MLYCD: variants seen among roughly 807,000 people sequenced by gnomAD.
MLYCD encodes malonyl-CoA decarboxylase, mitochondrial.
In MLYCD, 27 loss-of-function variants were observed where a neutral mutation model predicts 35.8. That is an observed-to-expected ratio of 0.75 (90% CI 0.56 to 1.04). The LOEUF (loss-of-function observed/expected upper bound fraction) is 1.04. Ranked by LOEUF, MLYCD falls within the 50% of genes least tolerant of loss-of-function variation. The probability of loss-of-function intolerance (pLI) is 0.00; values close to 1 mark genes in which losing one functional copy is unlikely to be tolerated. For synonymous variants in MLYCD, 403 were observed against 302.4 expected (o/e 1.33, Z -3.45); for missense variants, 917 against 665.1 (o/e 1.38, Z -4.17).
rs929353282 is a variant in MLYCD at position 83,899,572 on chromosome 16, A to G, written c.428A>G (p.His143Arg). The G allele has an allele frequency of 2.5e-6, 4 of 1,593,330 alleles. No homozygotes were observed. The highest frequency in any genetic ancestry group is 2.2e-5 in the South Asian group (2 of 90,498). Reference protein sequence around the residue: ...LVPRYRGLFHHISKLDGGVRF... With the variant: ...LVPRYRGLFHRISKLDGGVRF... The stretch of plus-strand genomic sequence containing the variant: ...CCGCGCTATCGCGGCCTCTTCCACC[A>G]CATCAGCAAGCTGGACGGCGGCGTG... Residue 143 changes from histidine to arginine, a missense_variant, in exon 1 of 5, where the codon CAC becomes CGC. His to Arg is a conservative substitution (Grantham distance 29). Transcript: ENST00000262430.
chr16:83,905,192 C>A (rs537396845), intron 1 of MLYCD, among the ~76,000 whole-genome samples: 22 of 151,462 alleles, frequency 1.5e-4, no homozygotes, highest in African/African-American at 5.3e-4. Context: ...CACTGCACTC[C>A]AGCCTGGGTG....
chr16:83,917,130 G>C lies in MLYCD; in HGVS notation c.*1641G>C, dbSNP rs1907439848. 1.1e-5 allele frequency: 1 copy of C among 88,206 alleles called. No homozygotes were observed. Among genetic ancestry groups the C allele is most frequent in the South Asian group, 5.2e-4 (1 of 1,928 alleles). 5.5% of individuals were successfully genotyped at this position (88,206 alleles called of 1,614,324 possible). On this transcript the variant is annotated 3_prime_UTR_variant, in exon 5 of 5. Transcript: ENST00000262430. ...TGCACGTCTGTGTGCGTGTGCACGAGCGTTCTATGTGGATCAGTGCACGCC... is the reference window on the plus strand; with the variant it reads ...TGCACGTCTGTGTGCGTGTGCACGACCGTTCTATGTGGATCAGTGCACGCC...
intron 3 of MLYCD, among the ~76,000 whole-genome samples, chr16:83,908,546 C>G (rs926229864): frequency 6.6e-6 from 1 of 152,142 alleles, no homozygotes; most frequent in African/African-American, 2.4e-5. Context: ...AAGTCTATCA[C>G]AGAACATGTT....
Position 83,899,292 on chromosome 16 carries a change from C to G in MLYCD, c.148C>G (p.Pro50Ala), listed in dbSNP as rs1253610241. Residue 50 changes from proline (P) to alanine (A), a missense_variant, in exon 1 of 5, where the codon CCG (proline) becomes GCG (alanine). By Grantham distance (27) the Pro-to-Ala change is conservative. Transcript: ENST00000262430. ...MDELLRRAVPPTPAYELREKT... is the reference protein window; with the variant it reads ...MDELLRRAVPATPAYELREKT... ...CGAGCTGCTGCGCCGCGCGGTGCCG[C>G]CGACGCCGGCCTACGAGCTGCGCGA... The G allele has an allele frequency of 1.4e-6, 2 of 1,479,954 alleles. No individual in the cohort carries two copies. The highest frequency in any genetic ancestry group is 4.5e-5 in the Admixed American group (2 of 44,376). 91.7% of individuals were successfully genotyped at this position (1,479,954 alleles called of 1,614,324 possible).
chr16:83,924,720 T>C lies in MLYCD; in HGVS notation c.*9231T>C, dbSNP rs1597301640. On this transcript the variant is annotated 3_prime_UTR_variant, in exon 5 of 5. Coordinates refer to ENST00000262430, the MANE Select transcript of MLYCD (RefSeq NM_012213.3). The stretch of plus-strand genomic sequence containing the variant: ...CGCTGCTCCAGAGAGAACTGGCCAT[T>C]TGCAGTCTCCACCCCAGTGTGGCTC... 6.6e-6 allele frequency: 1 copy of C among 152,128 alleles called. No homozygotes were observed. The highest frequency in any genetic ancestry group is 1.9e-4 in the East Asian group (1 of 5,178). The allele number at this position is 152,128 out of a possible 1,614,324, so 9.4% of individuals were successfully genotyped here. A position where few individuals can be genotyped will look rare whatever the true frequency, so the allele number is the denominator to read the frequency against.
chr16:83,907,016 C>T lies in MLYCD; in HGVS notation c.558C>T (p.Leu186=). 6.2e-7 allele frequency: 1 copy of T among 1,614,124 alleles called. No individual in the cohort carries two copies. The highest frequency in any genetic ancestry group is 2.2e-5 in the East Asian group (1 of 44,872). The change falls in exon 2 of 5, where the codon CTC becomes CTT. Residue 186 remains leucine (L), a synonymous_variant. Transcript: ENST00000262430. ...TGAATGGGGTGCTGAAAGGAATGCT[C>T]TCAGAATGGTTTTCCTCCGGGTTCC... ...REMNGVLKGM[L]SEWFSSGFLN...
At position 83,899,178 on chromosome 16, in the gene MLYCD, C is replaced by G; in HGVS notation, c.34C>G (p.Arg12Gly). 8.6e-7 allele frequency: 1 copy of G among 1,167,676 alleles called. No homozygotes were observed. Among genetic ancestry groups the G allele is most frequent in the Middle Eastern group, 3.6e-4 (1 of 2,800 alleles). The allele number at this position is 1,167,676 out of a possible 1,614,324, so 72.3% of individuals were successfully genotyped here. ...CTTCGGGCCAGGCTTGACGGCCAGG[C>G]GTCTCCTCCCGCTGCGGTTGCCCCC... ...RGFGPGLTARRLLPLRLPPRP... is the reference protein window; with the variant it reads ...RGFGPGLTARGLLPLRLPPRP... Residue 12 changes from arginine (R) to glycine (G), a missense_variant, in exon 1 of 5, where the codon CGT becomes GGT. Transcript: ENST00000262430.
rs1361946366 is a variant in MLYCD, at chr16:83,917,415, CTGTG to C, written c.*1929_*1932del. The C allele has an allele frequency of 6.5e-6, 1 of 154,672 alleles. No homozygotes were observed. The highest frequency in any genetic ancestry group is 1.5e-5 in the Non-Finnish European group (1 of 68,310). The allele number at this position is 154,672 out of a possible 1,614,324, so 9.6% of individuals were successfully genotyped here. A position where few individuals can be genotyped will look rare whatever the true frequency, so the allele number is the denominator to read the frequency against. On this transcript the variant is annotated 3_prime_UTR_variant, in exon 5 of 5. Transcript: ENST00000262430. ...CATGTGCTTACACGTCTTTGTGTGTCTGTGTGCGTGTGTCCGCAGTTGCCCTGTC... is the reference window on the plus strand; with the variant it reads ...CATGTGCTTACACGTCTTTGTGTGTCTGCGTGTGTCCGCAGTTGCCCTGTC...
Position 83,916,572 on chromosome 16 carries a change from C to T in MLYCD, c.*1083C>T, listed in dbSNP as rs1421971942. 7.6e-6 allele frequency: 1 copy of T among 131,650 alleles called. No homozygotes were observed. The allele number at this position is 131,650 out of a possible 1,614,324, so 8.2% of individuals were successfully genotyped here. On this transcript the variant is annotated 3_prime_UTR_variant, in exon 5 of 5. Coordinates refer to ENST00000262430, the MANE Select transcript of MLYCD (RefSeq NM_012213.3). ...TCTGTGTGCATGTGCCCGAGCGTCTCTGTGTGGATCAGTGCACGTCTGTGT... is the reference window on the plus strand; with the variant it reads ...TCTGTGTGCATGTGCCCGAGCGTCTTTGTGTGGATCAGTGCACGTCTGTGT...
In MLYCD at chr16:83,918,002, A is replaced by G. The variant is rs1004014942; in HGVS notation, c.*2513A>G. 7 of 152,168 alleles carry G rather than the reference A, an allele frequency of 4.6e-5. No individual in the cohort carries two copies. The highest frequency in any genetic ancestry group is 1.7e-4 in the African/African-American group (7 of 41,430). The allele number at this position is 152,168 out of a possible 1,614,324, so 9.4% of individuals were successfully genotyped here. On this transcript the variant is annotated 3_prime_UTR_variant, in exon 5 of 5. Coordinates refer to ENST00000262430, the MANE Select transcript of MLYCD (RefSeq NM_012213.3). ...TGCCGAGGCTTTGGCTCACCAGAGG[A>G]GTTTGTAGATGTCAGTCATCCCCAA...
intron 1 of MLYCD, among the ~76,000 whole-genome samples, chr16:83,901,576 G>A (rs545693146): frequency 3.0e-4 from 45 of 152,310 alleles, no homozygotes; most frequent in African/African-American, 1.0e-3. Context: ...GTCCCTCATT[G>A]ATTTCTCACA....
In MLYCD at chr16:83,921,254, G is replaced by A. The variant is rs1260952222; in HGVS notation, c.*5765G>A. The stretch of plus-strand genomic sequence containing the variant: ...ATGGAAGGAAGATGGATGAATAGAT[G>A]GGTGGGTGGGTGGATGTTTGGATGG... On this transcript the variant is annotated 3_prime_UTR_variant, in exon 5 of 5. Coordinates refer to ENST00000262430, the MANE Select transcript of MLYCD (RefSeq NM_012213.3). 1 of 149,846 alleles carries A rather than the reference G, an allele frequency of 6.7e-6. No homozygotes were observed. The highest frequency in any genetic ancestry group is 1.5e-5 in the Non-Finnish European group (1 of 67,510). The allele number at this position is 149,846 out of a possible 1,614,324, so 9.3% of individuals were successfully genotyped here.
chr16:83,908,005 G>A (rs1004754732), intron 2 of MLYCD, 121 bp from the exon 3 acceptor site: 1 of 1,257,704 alleles, frequency 8.0e-7, no homozygotes, highest in African/African-American at 1.5e-5. Flanking sequence ...TTTTCCAGAA[G>A]AGTCCATTAA....
At chr16:83,913,068 G>A (rs918742861) in intron 4 of MLYCD, 2 of 159,470 alleles carry the variant, frequency 1.3e-5, no homozygotes, top group African/African-American at 4.8e-5. Flanking sequence ...GTTTGCTAAT[G>A]ACTGGCTCTG....
chr16:83,909,118 C>G (rs1204569535), intron 3 of MLYCD, among the ~76,000 whole-genome samples: 5 of 152,154 alleles, frequency 3.3e-5, no homozygotes, highest in African/African-American at 1.2e-4. Flanking sequence ...GAAAGAGTCA[C>G]ACTCCGATGC....
intron 4 of MLYCD, 92 bp from the exon 5 acceptor site, chr16:83,914,864 G>A: frequency 6.5e-7 from 1 of 1,546,930 alleles, no homozygotes; most frequent in South Asian, 1.1e-5. Flanking sequence ...CAGCATGTGA[G>A]CCGTAGGTTA....
chr16:83,912,585 G>C (rs971273981), intron 4 of MLYCD: 3 of 613,908 alleles, frequency 4.9e-6, no homozygotes, highest in African/African-American at 3.7e-5. Flanking sequence ...CTCCAACCCA[G>C]CTGCCCAGTT....
At chr16:83,909,282 T>A (rs1292025386) in intron 3 of MLYCD, among the ~76,000 whole-genome samples, 1 of 152,190 alleles carries the variant, frequency 6.6e-6, no homozygotes, top group African/African-American at 2.4e-5. Flanking sequence ...AGATGGCTAT[T>A]CCTGCAGCAT....
intron 2 of MLYCD, among the ~76,000 whole-genome samples, chr16:83,907,620 C>G (rs913536639): frequency 2.0e-5 from 3 of 152,166 alleles, no homozygotes; most frequent in Non-Finnish European, 2.9e-5. Flanking sequence ...CATGTTGTCC[C>G]ATGGAATCCA....
Sources: allele counts gnomAD v4.1 joint callset (sites outside exome capture counted in the v4.1 genomes callset), GRCh38; gene constraint gnomAD v4.1.1; transcripts MANE v1.5; gene names NCBI Gene and HGNC (gene_info 2026-07-23, HGNC 2026-07-21).